The following CRTAC1 variants were observed in gnomAD, a reference collection of about 807,000 sequenced individuals.
CRTAC1 encodes acidic secreted protein in cartilage.
In CRTAC1, 37 loss-of-function variants were observed where a neutral mutation model predicts 67.8. That is an observed-to-expected ratio of 0.55 (90% CI 0.42 to 0.72). The LOEUF is 0.72. Ranked by LOEUF, CRTAC1 falls within the 30% of genes least tolerant of loss-of-function variation. The pLI, the probability that CRTAC1 is intolerant of heterozygous loss-of-function variation, is 0.00. For missense variants in CRTAC1, 780 were observed against 931.6 expected, an observed-to-expected ratio of 0.84 and a Z score of 2.12; for synonymous variants, 348 against 371.0, an observed-to-expected ratio of 0.94 and a Z score of 0.71.
chr10:97,873,535 G>A (rs934704773), intron 14 of CRTAC1, among the ~76,000 whole-genome samples: 7 of 152,194 alleles, frequency 4.6e-5, no homozygotes, highest in Non-Finnish European at 1.0e-4. Flanking sequence ...GTCTCCATAA[G>A]CAGTTGGGGA....
intron 2 of CRTAC1, among the ~76,000 whole-genome samples, chr10:97,974,198 C>T (rs1330820086): frequency 6.6e-6 from 1 of 152,108 alleles, no homozygotes; most frequent in Admixed American, 6.5e-5. Context: ...TCTGCCTACA[C>T]ACATTAGGAG....
intron 2 of CRTAC1, among the ~76,000 whole-genome samples, chr10:97,966,440 T>G (rs905451798): frequency 6.6e-6 from 1 of 152,158 alleles, no homozygotes; most frequent in Non-Finnish European, 1.5e-5. Context: ...ACATTTTAGT[T>G]TAGGATAGTC....
intron 2 of CRTAC1, among the ~76,000 whole-genome samples, chr10:97,990,713 A>G (rs1842429447): frequency 6.6e-6 from 1 of 152,196 alleles, no homozygotes; most frequent in Non-Finnish European, 1.5e-5. Context: ...CTCATTCACC[A>G]CTAACCTCCA....
At chr10:97,879,853 GTGGGGAC>G in intron 14 of CRTAC1, 1 of 1,212,000 alleles carries the variant, frequency 8.3e-7, no homozygotes. Flanking sequence ...GAGAAAGGGG[GTGGGGAC>G]GGGGTGGGGG....
rs1211589475 is a variant in CRTAC1 at position 97,895,484 on chromosome 10, G to C, written c.1318-71C>G. The C allele has an allele frequency of 7.3e-7, 1 of 1,375,028 alleles. No homozygotes were observed. The highest frequency in any genetic ancestry group is 2.4e-5 in the East Asian group (1 of 42,408). 85.2% of individuals were successfully genotyped at this position (1,375,028 alleles called of 1,614,324 possible). A position where few individuals can be genotyped will look rare whatever the true frequency, so the allele number is the denominator to read the frequency against. On this transcript the variant is annotated intron_variant, in intron 10 of 14. Transcript: ENST00000370597. This position sits in a 1 kb window ranked among gnomAD's most constrained non-coding sequence, Gnocchi z 4.2. ...TGGGTGGGAAGAGCAGGGAGCCAGG[G>C]AGGACGGGAGGGGGAGAGGGAGAAG...
Position 97,954,088 on chromosome 10 carries a change from G to A in CRTAC1, c.225-17722C>T, listed in dbSNP as rs763277912. Among the ~76,000 whole-genome samples, 29 of 152,172 alleles carry A rather than the reference G, an allele frequency of 1.9e-4. 1 individual carries two copies. The highest frequency in any genetic ancestry group is 9.2e-4 in the Admixed American group (14 of 15,276). Reference sequence around the variant, plus strand: ...AGAAACATCTTTGCAGCTGAGGAGCGTGGCAAGACCCTGCAGAACCCCAGA... The same window carrying A: ...AGAAACATCTTTGCAGCTGAGGAGCATGGCAAGACCCTGCAGAACCCCAGA... On this transcript the variant is annotated intron_variant, in intron 2 of 14. Transcript: ENST00000370597.
intron 8 of CRTAC1, among the ~76,000 whole-genome samples, chr10:97,899,388 C>G (rs1186405740): frequency 6.6e-6 from 1 of 152,216 alleles, no homozygotes; most frequent in Non-Finnish European, 1.5e-5. Context: ...AGCCCTTTCT[C>G]CCCGCTGCAG....
chr10:97,881,027 T>C (rs2050206571), intron 13 of CRTAC1, among the ~76,000 whole-genome samples: 1 of 152,206 alleles, frequency 6.6e-6, no homozygotes, highest in African/African-American at 2.4e-5. Flanking sequence ...CCCAATTTCC[T>C]GCCATCGTGA....
chr10:97,954,981 G>A (rs2051418762), intron 2 of CRTAC1, among the ~76,000 whole-genome samples: 1 of 152,048 alleles, frequency 6.6e-6, no homozygotes, highest in East Asian at 1.9e-4. Context: ...AGCTCTTTGG[G>A]GGACCACCAT....
chr10:97,925,885 G>A (rs756435247), intron 3 of CRTAC1, among the ~76,000 whole-genome samples: 6 of 152,138 alleles, frequency 3.9e-5, no homozygotes, highest in African/African-American at 7.2e-5. Flanking sequence ...GACCCCTCAG[G>A]TGGCTCCACC....
intron 2 of CRTAC1, among the ~76,000 whole-genome samples, chr10:97,988,198 T>G (rs1438505539): frequency 1.3e-5 from 2 of 149,332 alleles, no homozygotes; most frequent in Non-Finnish European, 3.0e-5. Context: ...TCAGTTAATC[T>G]GGTCTTAACT....
chr10:97,884,525 C>G (rs1358555105), intron 11 of CRTAC1, 174 bp from the exon 12 acceptor site: 2 of 635,436 alleles, frequency 3.1e-6, no homozygotes, highest in Non-Finnish European at 5.5e-6. Context: ...TGGAGCAATG[C>G]TGTCCAATAG....
At chr10:98,003,373 G>C (rs936246538) in intron 2 of CRTAC1, among the ~76,000 whole-genome samples, 2 of 152,166 alleles carry the variant, frequency 1.3e-5, no homozygotes, top group African/African-American at 4.8e-5. Context: ...GTCCTGCTGG[G>C]CTAAAATCAA....
intron 2 of CRTAC1, among the ~76,000 whole-genome samples, chr10:97,944,964 A>G (rs775641734): frequency 6.6e-6 from 1 of 152,242 alleles, no homozygotes; most frequent in Non-Finnish European, 1.5e-5. Flanking sequence ...CTGATGTCAC[A>G]TGGAGCAGAA....
intron 1 of CRTAC1, among the ~76,000 whole-genome samples, chr10:98,028,592 C>T (rs1843289871): frequency 6.6e-6 from 1 of 152,150 alleles, no homozygotes; most frequent in South Asian, 2.1e-4. Flanking sequence ...ACGTCTTAAC[C>T]AAACATCAAG....
intron 14 of CRTAC1, chr10:97,866,772 A>G (rs1168249954): frequency 6.6e-6 from 1 of 152,114 alleles, no homozygotes; most frequent in Non-Finnish European, 1.5e-5. Flanking sequence ...GTGCACAAGC[A>G]TGTGTGTATG....
intron 2 of CRTAC1, among the ~76,000 whole-genome samples, chr10:97,948,799 G>T (rs1156310238): frequency 6.6e-6 from 1 of 152,162 alleles, no homozygotes; most frequent in African/African-American, 2.4e-5. Flanking sequence ...TCACAGTTCC[G>T]CATGGCTTGG....
chr10:97,877,231 C>G (rs2050158208), intron 14 of CRTAC1, among the ~76,000 whole-genome samples: 1 of 152,158 alleles, frequency 6.6e-6, no homozygotes, highest in Non-Finnish European at 1.5e-5. Context: ...GAATTCAGCT[C>G]AACTTTTTAG....
At chr10:98,028,442 A>G (rs1843285289) in intron 1 of CRTAC1, among the ~76,000 whole-genome samples, 1 of 152,210 alleles carries the variant, frequency 6.6e-6, no homozygotes, top group Non-Finnish European at 1.5e-5. Context: ...GCGCTTGAGC[A>G]TGAGAGGCTG....
Sources: gnomAD v4.1 joint callset for allele counts (sites outside exome capture counted in the v4.1 genomes callset) on GRCh38, gnomAD v4.1.1 for gene constraint, Gnocchi (gnomAD v3.1) non-coding constraint, MANE v1.5 for transcripts, NCBI Gene and HGNC (gene_info 2026-07-23, HGNC 2026-07-21) for gene names.